The following CDH4 variants were observed in gnomAD, a reference collection of about 807,000 sequenced individuals.
The protein encoded by CDH4 is cadherin-4.
A neutral mutation model predicts 86.0 loss-of-function variants in CDH4; 33 were observed. That is an observed-to-expected ratio of 0.38 (90% CI 0.29 to 0.51). The LOEUF (loss-of-function observed/expected upper bound fraction) is 0.51. CDH4 is among the 20% of genes least tolerant of loss of function. CDH4 has a pLI of 0.86. For synonymous variants in CDH4, 555 were observed against 549.4 expected, an observed-to-expected ratio of 1.01 and a Z score of -0.14; for missense variants, 1,114 against 1,307.4, an observed-to-expected ratio of 0.85 and a Z score of 2.28.
intron 2 of CDH4, among the ~76,000 whole-genome samples, chr20:61,609,713 T>C (rs1223172096): frequency 6.6e-6 from 1 of 152,232 alleles, no homozygotes; most frequent in Non-Finnish European, 1.5e-5. Flanking sequence ...CCAGTGGGTG[T>C]GCATGGCCTG....
At chr20:61,264,156 C>T (rs964420866) in intron 2 of CDH4, among the ~76,000 whole-genome samples, 6 of 152,146 alleles carry the variant, frequency 3.9e-5, no homozygotes, top group African/African-American at 1.4e-4. Flanking sequence ...TGTCTGACGA[C>T]AGAGCAATCC....
At chr20:61,564,361 CCA>C (rs1266540559) in intron 2 of CDH4, among the ~76,000 whole-genome samples, 1 of 152,108 alleles carries the variant, frequency 6.6e-6, no homozygotes, top group Non-Finnish European at 1.5e-5. Flanking sequence ...GATGTGATCC[CCA>C]GTGTTGGAGG....
chr20:61,771,103 C>A (rs974279679), intron 3 of CDH4, among the ~76,000 whole-genome samples: 3 of 150,690 alleles, frequency 2.0e-5, no homozygotes, highest in Non-Finnish European at 4.4e-5. Context: ...CTCCACCTCC[C>A]GGGTTCAAGT....
chr20:61,426,134 A>G (rs2085214073), intron 2 of CDH4, among the ~76,000 whole-genome samples: 1 of 152,272 alleles, frequency 6.6e-6, no homozygotes, highest in Non-Finnish European at 1.5e-5. Context: ...TAAAAGAAAT[A>G]GAAGAGGCCA....
chr20:61,871,508 C>T (rs531607898), intron 6 of CDH4, among the ~76,000 whole-genome samples: 6 of 152,294 alleles, frequency 3.9e-5, no homozygotes, highest in Non-Finnish European at 5.9e-5. Flanking sequence ...GTTAGCTCTG[C>T]GCGTGTGTTA....
chr20:61,586,104 GTGA>G (rs2086472165), intron 2 of CDH4, among the ~76,000 whole-genome samples: 2 of 151,806 alleles, frequency 1.3e-5, no homozygotes, highest in African/African-American at 2.4e-5. Flanking sequence ...GATGGTGATG[GTGA>G]TGATTGTGGT....
rs2084070843 is a variant in CDH4, at chr20:61,252,825, T to G, written c.57+255T>G. ...GGTGGAGGACCCGGGGAGCTCCGCCTGCACCGGACCCGCCGAGCCTCCCTC... is the reference window on the plus strand; with the variant it reads ...GGTGGAGGACCCGGGGAGCTCCGCCGGCACCGGACCCGCCGAGCCTCCCTC... On this transcript the variant is annotated intron_variant, in intron 1 of 15. Coordinates refer to ENST00000614565, the MANE Select transcript of CDH4 (RefSeq NM_001794.5). This position sits in a 1 kb window ranked among gnomAD's most constrained non-coding sequence, Gnocchi z 4.4. Among the ~76,000 whole-genome samples the G allele has an allele frequency of 6.6e-6, 1 of 151,452 alleles. No homozygotes were observed. The highest frequency in any genetic ancestry group is 1.5e-5 in the Non-Finnish European group (1 of 67,742).
At chr20:61,295,052 G>C (rs759431139) in intron 2 of CDH4, among the ~76,000 whole-genome samples, 24 of 152,224 alleles carry the variant, frequency 1.6e-4, no homozygotes, top group Non-Finnish European at 3.1e-4. Flanking sequence ...CAATATCCTG[G>C]TGGAAAACAG....
At chr20:61,629,959 C>T (rs1423905079) in intron 2 of CDH4, among the ~76,000 whole-genome samples, 2 of 152,202 alleles carry the variant, frequency 1.3e-5, no homozygotes, top group Non-Finnish European at 2.9e-5. Context: ...ACCTGTGGCT[C>T]GGAGGACAGC....
At chr20:61,522,874 G>A (rs1389067138) in intron 2 of CDH4, among the ~76,000 whole-genome samples, 1 of 152,238 alleles carries the variant, frequency 6.6e-6, no homozygotes, top group Non-Finnish European at 1.5e-5. Context: ...CTACCGGGTG[G>A]GCCGGAGCCC....
intron 2 of CDH4, among the ~76,000 whole-genome samples, chr20:61,341,230 G>C (rs6028127): frequency 0.75 from 114,901 of 152,220 alleles, 44,188 homozygotes; most frequent in African/African-American, 0.92. Flanking sequence ...AATCATTTTG[G>C]TTGAAGGCAT....
intron 2 of CDH4, among the ~76,000 whole-genome samples, chr20:61,620,668 T>C (rs1217676632): frequency 6.6e-6 from 1 of 152,260 alleles, no homozygotes; most frequent in Non-Finnish European, 1.5e-5. Flanking sequence ...GATATTTAAA[T>C]TATTTTAATT....
intron 2 of CDH4, among the ~76,000 whole-genome samples, chr20:61,280,337 T>G (rs148597589): frequency 0.01 from 1,525 of 152,312 alleles, 16 homozygotes; most frequent in Non-Finnish European, 0.015. Context: ...CATAGGCTGT[T>G]AGAGCCAGAA....
chr20:61,897,499 A>G (rs745987004), intron 8 of CDH4, among the ~76,000 whole-genome samples: 1 of 151,964 alleles, frequency 6.6e-6, no homozygotes, highest in African/African-American at 2.4e-5. Flanking sequence ...ACCAGCACTG[A>G]CCAGCACTAA....
intron 9 of CDH4, among the ~76,000 whole-genome samples, chr20:61,914,401 T>G (rs55660325): frequency 0.016 from 2,466 of 152,284 alleles, 59 homozygotes; most frequent in African/African-American, 0.054. Context: ...TGTCTGCTCT[T>G]TCCTCTTTAA....
At chr20:61,877,861 C>G (rs1451073262) in intron 7 of CDH4, among the ~76,000 whole-genome samples, 5 of 152,144 alleles carry the variant, frequency 3.3e-5, no homozygotes, top group Admixed American at 6.5e-5. Flanking sequence ...GGGGCCATGA[C>G]CCCCGGAACG....
intron 2 of CDH4, among the ~76,000 whole-genome samples, chr20:61,398,312 A>G (rs2085030383): frequency 6.6e-6 from 1 of 152,248 alleles, no homozygotes; most frequent in Non-Finnish European, 1.5e-5. Context: ...TTAACAACAC[A>G]AAAGGAAAAC....
At chr20:61,909,946 A>G (rs946535464) in intron 8 of CDH4, among the ~76,000 whole-genome samples, 10 of 152,248 alleles carry the variant, frequency 6.6e-5, no homozygotes, top group African/African-American at 2.4e-4. Context: ...CCGCTCCATC[A>G]GTGGCCCTCT....
intron 2 of CDH4, among the ~76,000 whole-genome samples, chr20:61,425,713 AT>A (rs1236263697): frequency 6.8e-6 from 1 of 147,238 alleles, no homozygotes; most frequent in Non-Finnish European, 1.5e-5. Context: ...ATTGCAGGAC[AT>A]TCTCAAAGGC....
Sources: gnomAD v4.1 joint callset for allele counts (sites outside exome capture counted in the v4.1 genomes callset) on GRCh38, gnomAD v4.1.1 for gene constraint, Gnocchi (gnomAD v3.1) non-coding constraint, MANE v1.5 for transcripts, NCBI Gene and HGNC (gene_info 2026-07-23, HGNC 2026-07-21) for gene names.